The following UACA variants were observed in gnomAD, a reference collection of about 807,000 sequenced individuals.
The protein encoded by UACA is uveal autoantigen with coiled-coil domains and ankyrin repeats, also known as nuclear membrane binding protein.
A neutral mutation model predicts 160.5 loss-of-function variants in UACA; 112 were observed. That is an observed-to-expected ratio of 0.70 (90% CI 0.60 to 0.82). The LOEUF is 0.82. Among genes scored for constraint, UACA ranks in the 40% least tolerant of loss-of-function variants. The pLI, the probability that UACA is intolerant of heterozygous loss-of-function variation, is 0.00. For missense variants in UACA, 1,574 were observed against 1,614.6 expected, an observed-to-expected ratio of 0.97 and a Z score of 0.43; for synonymous variants, 557 against 568.4, an observed-to-expected ratio of 0.98 and a Z score of 0.29.
Position 70,751,715 on chromosome 15 carries a change from C to T in UACA, c.78+11615G>A, listed in dbSNP as rs182416258. On this transcript the variant is annotated intron_variant, in intron 1 of 18. Coordinates refer to ENST00000322954, the MANE Select transcript of UACA (RefSeq NM_018003.4). The stretch of plus-strand genomic sequence containing the variant: ...CCTGTATCATCAATGTGCTAACCTG[C>T]ACCTTCATGCTGCTCCAGGTATGAT... 1.9e-3 allele frequency among the ~76,000 whole-genome samples: 283 copies of T among 152,296 alleles called. 7 individuals carry two copies. Among genetic ancestry groups the T allele is most frequent in the Admixed American group, 0.016 (249 of 15,296 alleles).
chr15:70,747,342 C>T (rs1899741886), intron 1 of UACA, among the ~76,000 whole-genome samples: 1 of 147,502 alleles, frequency 6.8e-6, no homozygotes, highest in African/African-American at 2.5e-5. Context: ...CTCCCAGGTT[C>T]AAGCAATTCC....
chr15:70,657,142 G>A lies in UACA; in HGVS notation c.4180-15C>T. 1 of 1,607,088 alleles carries A rather than the reference G, an allele frequency of 6.2e-7. No homozygotes were observed. Among genetic ancestry groups the A allele is most frequent in the Non-Finnish European group, 8.5e-7 (1 of 1,173,660 alleles). ...TCCATGTGACCCTTCGGAGAAAGAA[G>A]AAAGAGGAGCATTATTTTATGTCAT... On this transcript the variant is annotated splice_polypyrimidine_tract_variant and intron_variant, in intron 18 of 18. Transcript: ENST00000322954.
Position 70,664,646 on chromosome 15 carries a change from G to A in UACA, c.4113+16C>T. 2 of 1,602,416 alleles carry A rather than the reference G, an allele frequency of 1.2e-6. No individual in the cohort carries two copies. Among genetic ancestry groups the A allele is most frequent in the Non-Finnish European group, 1.7e-6 (2 of 1,174,710 alleles). On this transcript the variant is annotated intron_variant, in intron 17 of 18. Transcript: ENST00000322954. ...AGCACATATTCCTGCAAAGCCCCGT[G>A]TGCCTGGTTACTCACGGCCAGCTGT... is the stretch of plus-strand genomic sequence containing the variant.
intron 17 of UACA, chr15:70,660,829 C>T (rs907515279): frequency 6.6e-6 from 1 of 152,210 alleles, no homozygotes; most frequent in Non-Finnish European, 1.5e-5. Context: ...ACCACATTCA[C>T]ATAACTTTTA....
intron 1 of UACA, among the ~76,000 whole-genome samples, chr15:70,711,681 G>A (rs1224470466): frequency 1.3e-5 from 2 of 152,050 alleles, no homozygotes; most frequent in Admixed American, 1.3e-4. Flanking sequence ...CAGGTGACAG[G>A]AATTAAACCC....
chr15:70,676,720 C>T (rs1897313624), intron 12 of UACA, 129 bp from the exon 13 acceptor site: 3 of 656,944 alleles, frequency 4.6e-6, no homozygotes, highest in African/African-American at 1.8e-5. Flanking sequence ...ACCTGGTGAA[C>T]TTTAACTACT....
At position 70,748,128 on chromosome 15, in the gene UACA, C is replaced by T. The variant is rs1330602849; in HGVS notation, c.78+15202G>A. On this transcript the variant is annotated intron_variant, in intron 1 of 18. Transcript: ENST00000322954. ...CAAGGTGGGGCAGTCTGCAAGGGGG[C>T]TGGATAATGGTCCTCAAGAGTGACA... is the stretch of plus-strand genomic sequence containing the variant. 2.6e-5 allele frequency among the ~76,000 whole-genome samples: 4 copies of T among 152,130 alleles called. No individual in the cohort carries two copies. The East Asian group carries it at 7.7e-4, about 29-fold the overall frequency.
intron 1 of UACA, among the ~76,000 whole-genome samples, chr15:70,762,096 A>G (rs2030795053): frequency 6.6e-6 from 1 of 152,202 alleles, no homozygotes; most frequent in Admixed American, 6.5e-5. Flanking sequence ...CCATGAGCTT[A>G]TAAAACGACT....
chr15:70,665,550 G>A (rs774519722), intron 16 of UACA, among the ~76,000 whole-genome samples: 18 of 151,874 alleles, frequency 1.2e-4, no homozygotes, highest in Non-Finnish European at 2.5e-4. Context: ...AGACCAGCCT[G>A]GGCAATAGAG....
intron 1 of UACA, among the ~76,000 whole-genome samples, chr15:70,759,530 C>T (rs2030624842): frequency 6.6e-6 from 1 of 152,190 alleles, no homozygotes; most frequent in Non-Finnish European, 1.5e-5. Context: ...TGGCAAATGC[C>T]TGTAATCCCA....
At position 70,654,936 on chromosome 15, in the gene UACA, G is replaced by C. The variant is rs1896441514; in HGVS notation, c.*2120C>G. On this transcript the variant is annotated 3_prime_UTR_variant, in exon 19 of 19. Coordinates refer to ENST00000322954, the MANE Select transcript of UACA (RefSeq NM_018003.4). The stretch of plus-strand genomic sequence containing the variant: ...TCGATATCAAAAGGTGAGTGAATGA[G>C]ACAAGATTAGTTGAAGGAAGTACTT... 1 of 152,220 alleles carries C rather than the reference G, an allele frequency of 6.6e-6. No individual in the cohort carries two copies. Among genetic ancestry groups the C allele is most frequent in the Non-Finnish European group, 1.5e-5 (1 of 68,048 alleles). 9.4% of individuals were successfully genotyped at this position (152,220 alleles called of 1,614,324 possible). A position where few individuals can be genotyped will look rare whatever the true frequency, so the allele number is the denominator to read the frequency against.
chr15:70,722,323 T>G (rs1020802287), intron 1 of UACA, among the ~76,000 whole-genome samples: 1 of 136,850 alleles, frequency 7.3e-6, no homozygotes, highest in African/African-American at 3.2e-5. Flanking sequence ...CAAAATCACT[T>G]TTTTTTTTTT....
rs555630802 is a variant in UACA, at chr15:70,756,740, G to A, written c.78+6590C>T. Among the ~76,000 whole-genome samples, 13 of 152,248 alleles carry A rather than the reference G, an allele frequency of 8.5e-5. No individual in the cohort carries two copies. In the South Asian group the frequency reaches 2.5e-3, roughly 29 times the overall value. On this transcript the variant is annotated intron_variant, in intron 1 of 18. Coordinates refer to ENST00000322954, the MANE Select transcript of UACA (RefSeq NM_018003.4). Reference sequence around the variant, plus strand: ...ATACAAAAATTAGCCAGGCATGGTGGCGGGCAGCTGTAATCCCAACTACTC... The same window carrying A: ...ATACAAAAATTAGCCAGGCATGGTGACGGGCAGCTGTAATCCCAACTACTC...
At chr15:70,681,872 C>T (rs1897520837) in intron 9 of UACA, 1 of 152,174 alleles carries the variant, frequency 6.6e-6, no homozygotes, top group Non-Finnish European at 1.5e-5. Flanking sequence ...TATCTCAGAA[C>T]TTAAAGCAAA....
At position 70,723,207 on chromosome 15, in the gene UACA, A is replaced by G. The variant is rs970396592; in HGVS notation, c.79-23547T>C. 3.3e-5 allele frequency among the ~76,000 whole-genome samples: 5 copies of G among 152,384 alleles called. 1 individual carries two copies. In the South Asian group the frequency reaches 8.3e-4, roughly 25 times the overall value. ...CTCCACAGTACTGACACAGAAAAACAGTAAACAGCAGGTGCAGCGGCTCAC... is the reference window on the plus strand; with the variant it reads ...CTCCACAGTACTGACACAGAAAAACGGTAAACAGCAGGTGCAGCGGCTCAC... On this transcript the variant is annotated intron_variant, in intron 1 of 18. Coordinates refer to ENST00000322954, the MANE Select transcript of UACA (RefSeq NM_018003.4).
intron 1 of UACA, among the ~76,000 whole-genome samples, chr15:70,719,765 T>C (rs967332923): frequency 6.6e-6 from 1 of 152,020 alleles, no homozygotes; most frequent in African/African-American, 2.4e-5. Context: ...AGGAAACACC[T>C]TACAGAGTAC....
intron 3 of UACA, among the ~76,000 whole-genome samples, chr15:70,694,343 G>A (rs1037979292): frequency 6.9e-6 from 1 of 145,566 alleles, no homozygotes; most frequent in Admixed American, 6.9e-5. Flanking sequence ...ACAGACAAAG[G>A]TACAAATAAG....
intron 2 of UACA, among the ~76,000 whole-genome samples, chr15:70,695,852 T>G (rs1466193238): frequency 1.3e-5 from 2 of 151,990 alleles, no homozygotes; most frequent in Non-Finnish European, 2.9e-5. Flanking sequence ...CATCTAATAT[T>G]TTATTAATCA....
At chr15:70,745,251 G>A (rs186528886) in intron 1 of UACA, among the ~76,000 whole-genome samples, 83 of 152,026 alleles carry the variant, frequency 5.5e-4, no homozygotes, top group African/African-American at 2.0e-3. Context: ...CTAACATGGT[G>A]AAACCCCTTC....
Sources: gnomAD v4.1 joint callset for allele counts (sites outside exome capture counted in the v4.1 genomes callset) on GRCh38, gnomAD v4.1.1 for gene constraint, MANE v1.5 for transcripts, NCBI Gene and HGNC (gene_info 2026-07-23, HGNC 2026-07-21) for gene names.